Variants in NUTM2E observed in about 807,000 individuals in gnomAD.
NUTM2E encodes the protein family with sequence similarity 22, member E.
NUTM2E carries 3 observed loss-of-function variants against 26.1 expected under a neutral mutation model. That is an observed-to-expected ratio of 0.12 (90% confidence interval 0.05 to 0.30). The LOEUF (loss-of-function observed/expected upper bound fraction) is 0.30, where lower values mean the gene tolerates loss of function less well. NUTM2E is among the 10% of genes least tolerant of loss of function. NUTM2E has a pLI of 1.00. For missense variants in NUTM2E, 62 were observed against 381.3 expected (o/e 0.16, Z 6.97); for synonymous variants, 13 against 157.5 (o/e 0.08, Z 6.87).
rs1336346434 is a variant in NUTM2E at position 79,839,652 on chromosome 10, G to A, written c.-2089G>A. Among the ~76,000 whole-genome samples, 5 of 151,990 alleles carry A rather than the reference G, an allele frequency of 3.3e-5. No individual in the cohort carries two copies. The East Asian group carries it at 9.7e-4, about 29-fold the overall frequency. ...GGATTCCTATCATCTGTCTCCACGT[G>A]ATAACACTGAAGAGCCTTCACATTG... On this transcript the variant is annotated 5_prime_UTR_variant, in exon 4 of 10. Transcript: ENST00000429984.
rs531753437 is a variant in NUTM2E, at chr10:79,840,713, G to A, written c.-1028G>A. Among the ~76,000 whole-genome samples, 2 of 150,954 alleles carry A rather than the reference G, an allele frequency of 1.3e-5. No individual in the cohort carries two copies. The highest frequency in any genetic ancestry group is 6.6e-5 in the Admixed American group (1 of 15,140). On this transcript the variant is annotated 5_prime_UTR_variant, in exon 4 of 10. Transcript: ENST00000429984. ...GTGTCTTCGAAAGGGCAAATGCTTCGTAAGTGCCGACAGGGTGTGTTTCAG... is the reference window on the plus strand; with the variant it reads ...GTGTCTTCGAAAGGGCAAATGCTTCATAAGTGCCGACAGGGTGTGTTTCAG...
intron 1 of NUTM2E, among the ~76,000 whole-genome samples, chr10:79,838,030 G>A (rs572688241): frequency 1.3e-5 from 2 of 151,422 alleles, no homozygotes; most frequent in Admixed American, 6.6e-5. Context: ...TTGTCTCTCA[G>A]TTCTATTCTC....
chr10:79,829,923 T>TA lies in NUTM2E; in HGVS notation c.-2728+2567dup, dbSNP rs375915665. On this transcript the variant is annotated intron_variant, in intron 1 of 9. Coordinates refer to ENST00000429984, the MANE Select transcript of NUTM2E (RefSeq NM_001355263.2). ...TGGAGTTGCAGACAAAACAAATATT[T>TA]ACCACTGCTTTAAAATACATTTATT... Among the ~76,000 whole-genome samples the TA allele has an allele frequency of 1.0e-3, 158 of 151,286 alleles. 1 individual carries two copies. Among genetic ancestry groups the TA allele is most frequent in the African/African-American group, 3.6e-3 (149 of 41,372 alleles).
At chr10:79,829,180 A>G (rs1841910769) in intron 1 of NUTM2E, among the ~76,000 whole-genome samples, 4 of 151,808 alleles carry the variant, frequency 2.6e-5, no homozygotes, top group Non-Finnish European at 4.4e-5. Flanking sequence ...TGTAAGGGTA[A>G]ATAGTCTAGG....
At chr10:79,828,495 A>G (rs1321448039) in intron 1 of NUTM2E, among the ~76,000 whole-genome samples, 1 of 151,856 alleles carries the variant, frequency 6.6e-6, no homozygotes, top group African/African-American at 2.4e-5. Context: ...GTCACACTCT[A>G]TATTTTTCTT....
intron 1 of NUTM2E, among the ~76,000 whole-genome samples, chr10:79,831,686 T>C (rs1452237297): frequency 3.3e-5 from 5 of 151,860 alleles, no homozygotes; most frequent in Admixed American, 3.3e-4. Context: ...TTAATTTTTA[T>C]GGACATGCTG....
At chr10:79,832,731 A>G (rs1841934763) in intron 1 of NUTM2E, among the ~76,000 whole-genome samples, 1 of 151,794 alleles carries the variant, frequency 6.6e-6, no homozygotes, top group Non-Finnish European at 1.5e-5. Flanking sequence ...AAATCATTCA[A>G]AGTAACAAAA....
chr10:79,835,380 C>T (rs891635327), intron 1 of NUTM2E, among the ~76,000 whole-genome samples: 3 of 148,116 alleles, frequency 2.0e-5, no homozygotes, highest in Non-Finnish European at 3.0e-5. Flanking sequence ...AATTAATTGC[C>T]GTGGATTAGG....
chr10:79,836,492 G>A (rs1841964325), intron 1 of NUTM2E, among the ~76,000 whole-genome samples: 1 of 151,868 alleles, frequency 6.6e-6, no homozygotes, highest in Non-Finnish European at 1.5e-5. Flanking sequence ...TAATGCAAAA[G>A]GTACATCATA....
intron 1 of NUTM2E, among the ~76,000 whole-genome samples, chr10:79,829,069 T>C (rs1439112250): frequency 6.6e-6 from 1 of 151,908 alleles, no homozygotes; most frequent in Non-Finnish European, 1.5e-5. Flanking sequence ...TATCAAGCTC[T>C]ATTCTCAAAC....
At chr10:79,828,700 C>T (rs1589305073) in intron 1 of NUTM2E, among the ~76,000 whole-genome samples, 2 of 152,020 alleles carry the variant, frequency 1.3e-5, no homozygotes, top group African/African-American at 4.8e-5. Context: ...GGTGTTTAAT[C>T]GTGTCCTAGC....
chr10:79,829,605 C>T (rs1161836199), intron 1 of NUTM2E, among the ~76,000 whole-genome samples: 4 of 151,886 alleles, frequency 2.6e-5, no homozygotes, highest in African/African-American at 9.7e-5. Flanking sequence ...TATTTCTTCC[C>T]ATACCCTCAG....
intron 1 of NUTM2E, among the ~76,000 whole-genome samples, chr10:79,829,765 T>C (rs1405541625): frequency 6.6e-6 from 1 of 151,398 alleles, no homozygotes; most frequent in Admixed American, 6.6e-5. Context: ...GAATGGACAA[T>C]AAAGAAAGTG....
At chr10:79,837,177 G>A (rs1841969156) in intron 1 of NUTM2E, among the ~76,000 whole-genome samples, 1 of 151,842 alleles carries the variant, frequency 6.6e-6, no homozygotes, top group South Asian at 2.1e-4. Context: ...GTATAAATCA[G>A]AAAAATAATC....
At position 79,827,111 on chromosome 10, in the gene NUTM2E, A is replaced by AGCCCCTC. The variant is rs1240271572; in HGVS notation, c.-2967_-2961dup. On this transcript the variant is annotated 5_prime_UTR_variant, in exon 1 of 10. Transcript: ENST00000429984. ...GGCGAGGTGCGCGGGGTTCGGTGCGAGCCCCTCGCCCCTGGCCGGGCCAGC... is the reference window on the plus strand; with the variant it reads ...GGCGAGGTGCGCGGGGTTCGGTGCGAGCCCCTCGCCCCTCGCCCCTGGCCGGGCCAGC... The AGCCCCTC allele has an allele frequency of 1.3e-5, 2 of 152,358 alleles. No individual in the cohort carries two copies. Among genetic ancestry groups the AGCCCCTC allele is most frequent in the South Asian group, 2.1e-4 (1 of 4,760 alleles). 9.4% of individuals were successfully genotyped at this position (152,358 alleles called of 1,614,324 possible). A position where few individuals can be genotyped will look rare whatever the true frequency, so the allele number is the denominator to read the frequency against.
In NUTM2E at chr10:79,843,520, C is replaced by G. The variant is rs878873551; in HGVS notation, c.383-653C>G. Among the ~76,000 whole-genome samples, 4 of 28,736 alleles carry G rather than the reference C, an allele frequency of 1.4e-4. 2 individuals are homozygous for G. In the Admixed American group the frequency reaches 1.8e-3, roughly 13 times the overall value. 18.9% of individuals were successfully genotyped at this position (28,736 alleles called of 152,430 possible). Reference sequence around the variant, plus strand: ...ATCGAGTACTGCGGAAAGGGTGGCCCGAATCTGACCCCTATTTAGCACTTG... The same window carrying G: ...ATCGAGTACTGCGGAAAGGGTGGCCGGAATCTGACCCCTATTTAGCACTTG... On this transcript the variant is annotated intron_variant, in intron 4 of 9. Transcript: ENST00000429984.
At chr10:79,848,976 T>C (rs2132424395) in intron 8 of NUTM2E, 81 bp downstream of exon 8, 1 of 548,390 alleles carries the variant, frequency 1.8e-6, no homozygotes, top group East Asian at 3.1e-5. Flanking sequence ...CTCTGTTCCT[T>C]AGCTACTCAG....
rs1842018863 is a variant in NUTM2E at position 79,845,570 on chromosome 10, A to G, written c.1082+698A>G. On this transcript the variant is annotated intron_variant, in intron 5 of 9. Coordinates refer to ENST00000429984, the MANE Select transcript of NUTM2E (RefSeq NM_001355263.2). Reference sequence around the variant, plus strand: ...TACGATTACTGTCCCCATTACTATCATTATCAAGACTAGGCCATCTAGGAG... The same window carrying G: ...TACGATTACTGTCCCCATTACTATCGTTATCAAGACTAGGCCATCTAGGAG... 2.8e-5 allele frequency among the ~76,000 whole-genome samples: 3 copies of G among 106,294 alleles called. No homozygotes were observed. In the South Asian group the frequency reaches 7.7e-4, roughly 27 times the overall value. 69.7% of individuals were successfully genotyped at this position (106,294 alleles called of 152,430 possible). A position where few individuals can be genotyped will look rare whatever the true frequency, so the allele number is the denominator to read the frequency against.
intron 5 of NUTM2E, among the ~76,000 whole-genome samples, chr10:79,845,372 C>T (rs3117699): frequency 2.6e-3 from 298 of 113,416 alleles, no homozygotes; most frequent in African/African-American, 7.4e-3. Context: ...TGGTCTCGGG[C>T]CCTGCACTGG....
Sources: gnomAD v4.1 joint callset for allele counts (sites outside exome capture counted in the v4.1 genomes callset) on GRCh38, gnomAD v4.1.1 for gene constraint, MANE v1.5 for transcripts, NCBI Gene and HGNC (gene_info 2026-07-23, HGNC 2026-07-21) for gene names.